The following USP24 variants were observed in gnomAD, a reference collection of about 807,000 sequenced individuals.
USP24 encodes the protein ubiquitin carboxyl-terminal hydrolase 24.
In USP24, 97 loss-of-function variants were observed where a neutral mutation model predicts 361.6. That is an observed-to-expected ratio of 0.27 (90% CI 0.23 to 0.32). The LOEUF (loss-of-function observed/expected upper bound fraction) is 0.32, where lower values mean the gene tolerates loss of function less well. Ranked by LOEUF, USP24 falls within the 10% of genes least tolerant of loss-of-function variation. USP24 has a pLI of 1.00. For synonymous variants in USP24, 1,098 were observed against 1,124.6 expected, an observed-to-expected ratio of 0.98 and a Z score of 0.47; for missense variants, 2,353 against 3,165.6, an observed-to-expected ratio of 0.74 and a Z score of 6.16.
chr1:55,126,905 T>C (rs1283719491), intron 32 of USP24, among the ~76,000 whole-genome samples: 1 of 152,212 alleles, frequency 6.6e-6, no homozygotes, highest in African/African-American at 2.4e-5. Flanking sequence ...TACTTCTTTC[T>C]AGAGAAAAGC....
At chr1:55,191,084 T>C (rs142218921) in intron 1 of USP24, among the ~76,000 whole-genome samples, 75 of 152,308 alleles carry the variant, frequency 4.9e-4, no homozygotes, top group African/African-American at 1.7e-3. Context: ...GGCACGAAGG[T>C]AGAAGAGAAA....
intron 21 of USP24, among the ~76,000 whole-genome samples, chr1:55,143,722 C>T (rs1646951900): frequency 6.6e-6 from 1 of 151,990 alleles, no homozygotes; most frequent in African/African-American, 2.4e-5. Context: ...CAATTTTTCT[C>T]CCCAAATCCC....
chr1:55,074,402 G>C (rs1644981989), intron 63 of USP24, among the ~76,000 whole-genome samples: 1 of 152,136 alleles, frequency 6.6e-6, no homozygotes, highest in South Asian at 2.1e-4. Context: ...GGGAGGCAAA[G>C]GCGGGTGGAT....
rs1314040054 is a variant in USP24 at position 55,132,633 on chromosome 1, T to C, written c.3449A>G (p.His1150Arg). 6.2e-7 allele frequency: 1 copy of C among 1,613,688 alleles called. No homozygotes were observed. The highest frequency in any genetic ancestry group is 8.5e-7 in the Non-Finnish European group (1 of 1,179,788). ...TAAAATTGAACTGGCACTTGGCTGGTGCTGTTGCTTTGATGACAGGGATGG... is the reference window on the plus strand; with the variant it reads ...TAAAATTGAACTGGCACTTGGCTGGCGCTGTTGCTTTGATGACAGGGATGG... ...KSPSLSSKQQ[H>R]QPSASSILES... Residue 1150 changes from histidine to arginine, a missense_variant, in exon 31 of 68, where the codon CAC becomes CGC. By Grantham distance (29) the His-to-Arg change is conservative. Around this residue, in one of 8 missense-constraint regions of USP24, gnomAD observed 949 missense variants for 1,280.5 expected, o/e 0.74. Transcript: ENST00000294383.
chr1:55,196,843 T>C (rs1644433188), intron 1 of USP24, among the ~76,000 whole-genome samples: 1 of 152,180 alleles, frequency 6.6e-6, no homozygotes. Flanking sequence ...GCCCGTTGAG[T>C]TCCAGCCATA....
At position 55,071,323 on chromosome 1, in the gene USP24, T is replaced by C. The variant is rs114188530; in HGVS notation, c.7800+491A>G. Reference sequence around the variant, plus strand: ...ACATATTTATTTTCTTTTTCTACTATAATGATTGGTATTAAAGCTGTTTTT... The same window carrying C: ...ACATATTTATTTTCTTTTTCTACTACAATGATTGGTATTAAAGCTGTTTTT... On this transcript the variant is annotated intron_variant, in intron 67 of 67. Coordinates refer to ENST00000294383, the MANE Select transcript of USP24 (RefSeq NM_015306.3). The C allele has an allele frequency of 9.7e-5, 96 of 990,014 alleles. 1 individual carries two copies. In the African/African-American group the frequency reaches 1.5e-3, roughly 15 times the overall value. The allele number at this position is 990,014 out of a possible 1,614,324, so 61.3% of individuals were successfully genotyped here. A position where few individuals can be genotyped will look rare whatever the true frequency, so the allele number is the denominator to read the frequency against.
rs139441101 is a variant in USP24 at position 55,123,327 on chromosome 1, A to G, written c.4276+120T>C. On this transcript the variant is annotated intron_variant, in intron 36 of 67. Coordinates refer to ENST00000294383, the MANE Select transcript of USP24 (RefSeq NM_015306.3). The stretch of plus-strand genomic sequence containing the variant: ...TTATTCTTAGCTACGCCACATGCCA[A>G]CTTCCCGCCTTTTTCATTTTGACCA... 9.7e-5 allele frequency: 117 copies of G among 1,209,458 alleles called. No homozygotes were observed. The East Asian group carries it at 3.0e-3, about 31-fold the overall frequency. 74.9% of individuals were successfully genotyped at this position (1,209,458 alleles called of 1,614,324 possible).
intron 39 of USP24, among the ~76,000 whole-genome samples, chr1:55,107,862 A>C (rs963003177): frequency 4.0e-5 from 6 of 149,340 alleles, no homozygotes; most frequent in African/African-American, 1.5e-4. Context: ...AAAAAAAAAA[A>C]AAAACACACA....
intron 1 of USP24, among the ~76,000 whole-genome samples, chr1:55,189,093 T>C (rs1370708418): frequency 6.6e-6 from 1 of 151,836 alleles, no homozygotes; most frequent in Non-Finnish European, 1.5e-5. Context: ...TCCAAGACAG[T>C]TTGGCAGTTC....
At chr1:55,069,616 G>A (rs1048376947) in intron 67 of USP24, among the ~76,000 whole-genome samples, 3 of 152,108 alleles carry the variant, frequency 2.0e-5, no homozygotes, top group African/African-American at 7.2e-5. Flanking sequence ...GAGGAGCAAG[G>A]ACAGTCTCTC....
At chr1:55,177,007 C>T (rs1054417094) in intron 2 of USP24, among the ~76,000 whole-genome samples, 1 of 151,404 alleles carries the variant, frequency 6.6e-6, no homozygotes, top group Non-Finnish European at 1.5e-5. Context: ...AGGAGGATCA[C>T]TTAAGCCTGG....
At chr1:55,162,137 G>T in intron 8 of USP24, 62 bp downstream of exon 8, 2 of 1,451,302 alleles carry the variant, frequency 1.4e-6, no homozygotes, top group Non-Finnish European at 1.9e-6. Context: ...CTGATAAAAA[G>T]AAGTTATTAC....
Position 55,214,734 on chromosome 1 carries a change from C to T in USP24, c.324+56G>A, listed in dbSNP as rs570660187. 1.3e-5 allele frequency: 15 copies of T among 1,146,628 alleles called. No homozygotes were observed. In the East Asian group the frequency reaches 6.2e-4, roughly 47 times the overall value. 71.0% of individuals were successfully genotyped at this position (1,146,628 alleles called of 1,614,324 possible). A position where few individuals can be genotyped will look rare whatever the true frequency, so the allele number is the denominator to read the frequency against. ...CCAAGCCCAGCGGGGTGTGTCCCCTCCCAGGAACTCCAGCCCAGTGGCTTC... is the reference window on the plus strand; with the variant it reads ...CCAAGCCCAGCGGGGTGTGTCCCCTTCCAGGAACTCCAGCCCAGTGGCTTC... On this transcript the variant is annotated intron_variant, in intron 1 of 67. Transcript: ENST00000294383.
At chr1:55,121,356 G>C in intron 37 of USP24, 80 bp downstream of exon 37, 1 of 1,321,144 alleles carries the variant, frequency 7.6e-7, no homozygotes, top group Non-Finnish European at 1.1e-6. Flanking sequence ...CTGTATTCCC[G>C]ACAATGTCAC....
intron 1 of USP24, among the ~76,000 whole-genome samples, chr1:55,210,550 C>T (rs1018710521): frequency 3.3e-5 from 5 of 152,134 alleles, no homozygotes; most frequent in Non-Finnish European, 7.4e-5. Context: ...TAATTATACA[C>T]ATTGACAGTA....
At chr1:55,122,569 T>C (rs761304193) in intron 36 of USP24, among the ~76,000 whole-genome samples, 6 of 152,006 alleles carry the variant, frequency 3.9e-5, no homozygotes, top group Non-Finnish European at 7.4e-5. Flanking sequence ...AGCAAGAAGA[T>C]GAGTTAGGGC....
intron 43 of USP24, among the ~76,000 whole-genome samples, chr1:55,101,258 T>C (rs754865647): frequency 1.3e-5 from 2 of 152,206 alleles, no homozygotes; most frequent in Admixed American, 6.5e-5. Context: ...ACCATATTAT[T>C]GTAAAGTGCT....
intron 8 of USP24, among the ~76,000 whole-genome samples, 176 bp downstream of exon 8, chr1:55,162,023 C>T (rs1370438315): frequency 6.6e-6 from 1 of 152,142 alleles, no homozygotes; most frequent in African/African-American, 2.4e-5. Context: ...GTCTCCTATA[C>T]TTCAAATTAT....
intron 24 of USP24, 145 bp from the exon 25 acceptor site, chr1:55,139,155 A>G (rs1419218346): frequency 2.8e-5 from 19 of 689,646 alleles, no homozygotes; most frequent in Non-Finnish European, 4.3e-5. Flanking sequence ...CTTCCCTTTT[A>G]CCCAATGGGG....
Sources: allele counts gnomAD v4.1 joint callset (sites outside exome capture counted in the v4.1 genomes callset), GRCh38; gene constraint gnomAD v4.1.1; regional missense constraint gnomAD v4.1.1; transcripts MANE v1.5; gene names NCBI Gene and HGNC (gene_info 2026-07-23, HGNC 2026-07-21).